The following NOS1AP variants were observed in gnomAD, a reference collection of about 807,000 sequenced individuals.
NOS1AP encodes nitric oxide synthase 1 adaptor protein.
A neutral mutation model predicts 56.2 loss-of-function variants in NOS1AP; 21 were observed. The ratio of observed to expected loss-of-function variants is 0.37; its 90% CI spans 0.26 to 0.54. The LOEUF is 0.54. Ranked by LOEUF, NOS1AP falls within the 20% of genes least tolerant of loss-of-function variation. NOS1AP has a pLI of 0.84. For synonymous variants in NOS1AP, 270 were observed against 274.6 expected, an observed-to-expected ratio of 0.98 and a Z score of 0.17; for missense variants, 522 against 657.8, an observed-to-expected ratio of 0.79 and a Z score of 2.26.
In NOS1AP at chr1:162,287,337, C is replaced by T. The variant is rs754968906; in HGVS notation, c.178-7C>T. On this transcript the variant is annotated splice_polypyrimidine_tract_variant and splice_region_variant and intron_variant, in intron 2 of 9. Transcript: ENST00000361897. Reference sequence around the variant, plus strand: ...GCACTTTCTTTTTGTTTTCTTCTTTCTTGCAGTATGAGTTTAAAGCCAAGA... The same window carrying T: ...GCACTTTCTTTTTGTTTTCTTCTTTTTTGCAGTATGAGTTTAAAGCCAAGA... The T allele has an allele frequency of 1.3e-6, 2 of 1,596,460 alleles. No homozygotes were observed. The highest frequency in any genetic ancestry group is 1.7e-6 in the Non-Finnish European group (2 of 1,164,046).
At chr1:162,212,360 G>A (rs948328876) in intron 2 of NOS1AP, among the ~76,000 whole-genome samples, 1 of 152,172 alleles carries the variant, frequency 6.6e-6, no homozygotes, top group Admixed American at 6.5e-5. Context: ...ACCTGTGCTG[G>A]GTGCTGGGCT....
intron 1 of NOS1AP, among the ~76,000 whole-genome samples, chr1:162,091,338 G>A (rs949352018): frequency 2.0e-5 from 3 of 152,084 alleles, no homozygotes; most frequent in Non-Finnish European, 4.4e-5. Flanking sequence ...TTGGGTTCAG[G>A]TTCATCATAT....
At chr1:162,167,694 C>T (rs932538687) in intron 2 of NOS1AP, among the ~76,000 whole-genome samples, 5 of 152,250 alleles carry the variant, frequency 3.3e-5, no homozygotes, top group African/African-American at 1.2e-4. Context: ...GCCGCTAAGA[C>T]ATAGTCCTCA....
chr1:162,338,449 TGTAAA>T, intron 5 of NOS1AP, among the ~76,000 whole-genome samples: 1 of 152,322 alleles, frequency 6.6e-6, no homozygotes, highest in Admixed American at 6.5e-5. Flanking sequence ...CTTTGTAAGT[TGTAAA>T]GTAAAGAGAG....
Position 162,369,242 on chromosome 1 carries a change from T to C in NOS1AP, c.*1775T>C, listed in dbSNP as rs1013650375. Reference sequence around the variant, plus strand: ...TAACATGCATTTAGTTGGAGAGGCATGGTTCTGTTTGTTTTGTTTTGATCT... The same window carrying C: ...TAACATGCATTTAGTTGGAGAGGCACGGTTCTGTTTGTTTTGTTTTGATCT... On this transcript the variant is annotated 3_prime_UTR_variant, in exon 10 of 10. Coordinates refer to ENST00000361897, the MANE Select transcript of NOS1AP (RefSeq NM_014697.3). 5 of 152,242 alleles carry C rather than the reference T, an allele frequency of 3.3e-5. No individual in the cohort carries two copies. Among genetic ancestry groups the C allele is most frequent in the Admixed American group, 3.3e-4 (5 of 15,282 alleles). The allele number at this position is 152,242 out of a possible 1,614,324, so 9.4% of individuals were successfully genotyped here. A position where few individuals can be genotyped will look rare whatever the true frequency, so the allele number is the denominator to read the frequency against.
At chr1:162,285,176 C>T (rs1227449477) in intron 2 of NOS1AP, among the ~76,000 whole-genome samples, 3 of 152,192 alleles carry the variant, frequency 2.0e-5, no homozygotes, top group Non-Finnish European at 4.4e-5. Context: ...CAGCCTTTAA[C>T]TTCCACCTGA....
chr1:162,356,973 A>G lies in NOS1AP; in HGVS notation c.776A>G (p.Gln259Arg). The G allele has an allele frequency of 1.2e-6, 2 of 1,614,112 alleles. No individual in the cohort carries two copies. Among genetic ancestry groups the G allele is most frequent in the Non-Finnish European group, 1.7e-6 (2 of 1,180,046 alleles). Residue 259 changes from glutamine to arginine, a missense_variant, in exon 8 of 10, where the codon CAG (glutamine) becomes CGG (arginine). Transcript: ENST00000361897. ...CTTCTCCTCCAGGTTTCGCACCCCC[A>G]GGAGCCCATGCTGACAGCCTCACCC... is the stretch of plus-strand genomic sequence containing the variant. ...SHTGSKVSHP[Q>R]EPMLTASPRM...
intron 2 of NOS1AP, among the ~76,000 whole-genome samples, chr1:162,255,852 G>C (rs1291473527): frequency 3.3e-5 from 5 of 152,170 alleles, no homozygotes; most frequent in Admixed American, 1.3e-4. Flanking sequence ...AATAAAAATT[G>C]GGTAAATTGA....
intron 5 of NOS1AP, chr1:162,342,478 C>T (rs901070297): frequency 1.1e-5 from 5 of 469,294 alleles, no homozygotes; most frequent in African/African-American, 1.0e-4. Flanking sequence ...AGAAGTTATA[C>T]CCAGCAGAGA....
At chr1:162,135,375 G>C (rs1648949314) in intron 1 of NOS1AP, among the ~76,000 whole-genome samples, 1 of 152,166 alleles carries the variant, frequency 6.6e-6, no homozygotes, top group Non-Finnish European at 1.5e-5. Context: ...TACTGCAAGG[G>C]GGAAAGACAG....
chr1:162,351,635 G>A (rs544595902), intron 6 of NOS1AP, among the ~76,000 whole-genome samples: 1 of 152,192 alleles, frequency 6.6e-6, no homozygotes, highest in South Asian at 2.1e-4. Flanking sequence ...ATCTGCTATT[G>A]CTGACTTGCC....
intron 2 of NOS1AP, among the ~76,000 whole-genome samples, chr1:162,286,141 G>T (rs1053527277): frequency 2.0e-5 from 3 of 152,212 alleles, no homozygotes; most frequent in Non-Finnish European, 4.4e-5. Flanking sequence ...TGAAGAGAAG[G>T]TTCTGGATTT....
intron 4 of NOS1AP, among the ~76,000 whole-genome samples, chr1:162,328,704 C>A (rs542530021): frequency 6.6e-6 from 1 of 152,360 alleles, no homozygotes; most frequent in East Asian, 1.9e-4. Context: ...GGTCTGTCCC[C>A]CTCAGGGCCA....
intron 1 of NOS1AP, among the ~76,000 whole-genome samples, chr1:162,096,919 C>A (rs1692257565): frequency 6.6e-6 from 1 of 152,142 alleles, no homozygotes; most frequent in Non-Finnish European, 1.5e-5. Flanking sequence ...TCTCCTTGAG[C>A]ACAGTTACTA....
Position 162,291,663 on chromosome 1 carries a change from TC to T in NOS1AP, c.270+4228del, listed in dbSNP as rs200119586. Among the ~76,000 whole-genome samples the T allele has an allele frequency of 2.1e-3, 314 of 152,294 alleles. 1 individual carries two copies. Among genetic ancestry groups the T allele is most frequent in the African/African-American group, 7.2e-3 (298 of 41,568 alleles). ...AACTTTCATTGAGTTGTAAAAAACA[TC>T]TTTTTGGTTATAATAACAAATATCT... On this transcript the variant is annotated intron_variant, in intron 3 of 9. Coordinates refer to ENST00000361897, the MANE Select transcript of NOS1AP (RefSeq NM_014697.3).
At chr1:162,143,843 T>TG (rs1252349129) in intron 1 of NOS1AP, among the ~76,000 whole-genome samples, 1 of 152,114 alleles carries the variant, frequency 6.6e-6, no homozygotes, top group African/African-American at 2.4e-5. Context: ...AACAGAGGCT[T>TG]GGTGAGTTTA....
rs73017362 is a variant in NOS1AP, at chr1:162,212,435, A to G, written c.177+57959A>G. 8.1e-3 allele frequency among the ~76,000 whole-genome samples: 1,234 copies of G among 152,200 alleles called. 18 individuals are homozygous for G. Among genetic ancestry groups the G allele is most frequent in the African/African-American group, 0.028 (1,173 of 41,498 alleles). ...ACACAGTCTAGGTTTTATGCACCAA[A>G]CTATTTACTCTCCCCATCACAAATC... is the stretch of plus-strand genomic sequence containing the variant. On this transcript the variant is annotated intron_variant, in intron 2 of 9. Transcript: ENST00000361897.
At chr1:162,160,702 C>G (rs930640283) in intron 2 of NOS1AP, among the ~76,000 whole-genome samples, 10 of 152,302 alleles carry the variant, frequency 6.6e-5, no homozygotes, top group African/African-American at 2.4e-4. Context: ...TCATTGTTCT[C>G]CTTTTCATCC....
intron 2 of NOS1AP, among the ~76,000 whole-genome samples, chr1:162,252,892 A>G (rs1335812236): frequency 6.6e-6 from 1 of 152,224 alleles, no homozygotes; most frequent in East Asian, 1.9e-4. Context: ...ATTGTATTGG[A>G]TAGCACAGGT....
Sources: allele counts gnomAD v4.1 joint callset (sites outside exome capture counted in the v4.1 genomes callset), GRCh38; gene constraint gnomAD v4.1.1; transcripts MANE v1.5; gene names NCBI Gene and HGNC (gene_info 2026-07-23, HGNC 2026-07-21).